The following OSBP2 variants were observed in gnomAD, a reference collection of about 807,000 sequenced individuals.
OSBP2 encodes the protein oxysterol-binding protein 2.
OSBP2 carries 66 observed loss-of-function variants against 96.0 expected under a neutral mutation model. The observed-to-expected ratio is 0.69, with a 90% CI of 0.56 to 0.84. OSBP2 has a LOEUF of 0.84. Ranked by LOEUF, OSBP2 falls within the 40% of genes least tolerant of loss-of-function variation. The pLI, the probability that OSBP2 is intolerant of heterozygous loss-of-function variation, is 0.00. For synonymous variants in OSBP2, 525 were observed against 520.9 expected (o/e 1.01, Z -0.11); for missense variants, 1,038 against 1,222.7 (o/e 0.85, Z 2.25).
intron 2 of OSBP2, among the ~76,000 whole-genome samples, chr22:30,774,291 G>T (rs2090398526): frequency 1.3e-5 from 2 of 152,210 alleles, no homozygotes; most frequent in Non-Finnish European, 2.9e-5. Context: ...ATGAGTGTGT[G>T]CTGGCGAAAG....
At chr22:30,715,289 C>T (rs141199808) in intron 1 of OSBP2, among the ~76,000 whole-genome samples, 1 of 151,540 alleles carries the variant, frequency 6.6e-6, no homozygotes, top group Admixed American at 6.6e-5. Flanking sequence ...TAGTAGCCAT[C>T]CTAATGGATG....
chr22:30,798,035 A>C (rs757923116), intron 2 of OSBP2, among the ~76,000 whole-genome samples: 14 of 152,336 alleles, frequency 9.2e-5, no homozygotes, highest in Non-Finnish European at 1.8e-4. Context: ...CAGCTGCTCA[A>C]CCATTTTATA....
At chr22:30,847,542 A>C (rs2038894772) in intron 2 of OSBP2, among the ~76,000 whole-genome samples, 1 of 152,188 alleles carries the variant, frequency 6.6e-6, no homozygotes, top group Non-Finnish European at 1.5e-5. Flanking sequence ...AGCTTCCCAA[A>C]GTGCTGAGAT....
chr22:30,821,175 G>A (rs1480271300), intron 2 of OSBP2, among the ~76,000 whole-genome samples: 1 of 152,216 alleles, frequency 6.6e-6, no homozygotes, highest in Non-Finnish European at 1.5e-5. Context: ...AGCGAAGTGG[G>A]AGCCTCAGCA....
At chr22:30,840,054 CT>C (rs1313548284) in intron 2 of OSBP2, among the ~76,000 whole-genome samples, 1,447 of 109,224 alleles carry the variant, frequency 0.013, 43 homozygotes, top group Admixed American at 0.082. Flanking sequence ...TTTCAGCTTT[CT>C]TTTTTTTTTT....
chr22:30,879,698 G>C (rs984799374), intron 3 of OSBP2, among the ~76,000 whole-genome samples: 38 of 152,226 alleles, frequency 2.5e-4, no homozygotes, highest in Admixed American at 2.5e-3. Context: ...GACCAGAATC[G>C]CAGTGCAGCT....
chr22:30,816,978 G>A (rs2091091155), intron 2 of OSBP2, among the ~76,000 whole-genome samples: 1 of 152,162 alleles, frequency 6.6e-6, no homozygotes, highest in African/African-American at 2.4e-5. Flanking sequence ...CAAGTGGTCC[G>A]GCCGCCTCAG....
Position 30,782,298 on chromosome 22 carries a change from C to T in OSBP2, c.853+40929C>T, listed in dbSNP as rs543898661. 3.3e-5 allele frequency among the ~76,000 whole-genome samples: 5 copies of T among 152,284 alleles called. No individual in the cohort carries two copies. In the South Asian group the frequency reaches 6.2e-4, roughly 19 times the overall value. ...TTCTCTTCATGCCCTTTTGTAATTC[C>T]TCCTCAGCCCCTTCCACCTCCTGCA... On this transcript the variant is annotated intron_variant, in intron 2 of 13. Coordinates refer to ENST00000332585, the MANE Select transcript of OSBP2 (RefSeq NM_030758.4).
In OSBP2 at chr22:30,881,559, T is replaced by G; in HGVS notation, c.1108-5867T>G. The G allele has an allele frequency of 1.2e-6, 1 of 807,586 alleles. No individual in the cohort carries two copies. Among genetic ancestry groups the G allele is most frequent in the Non-Finnish European group, 1.7e-6 (1 of 578,100 alleles). 50.0% of individuals were successfully genotyped at this position (807,586 alleles called of 1,614,324 possible). On this transcript the variant is annotated intron_variant, in intron 3 of 13. Coordinates refer to ENST00000332585, the MANE Select transcript of OSBP2 (RefSeq NM_030758.4). The surrounding 1 kb of genome is among the most constrained non-coding windows in gnomAD (Gnocchi z 4.5). ...ACAGCCTCAGAGAAATGAGACCACG[T>G]TCAGGCCTGGGCTGGGTCAGCCAGG...
At chr22:30,741,913 G>A (rs987529002) in intron 2 of OSBP2, among the ~76,000 whole-genome samples, 1 of 149,982 alleles carries the variant, frequency 6.7e-6, no homozygotes, top group East Asian at 2.0e-4. Context: ...TCTGCCTTCC[G>A]TGTTCAAGCA....
Position 30,840,319 on chromosome 22 carries a change from AAAAG to A in OSBP2, c.854-30109_854-30106del, listed in dbSNP as rs1229530215. On this transcript the variant is annotated intron_variant, in intron 2 of 13. Coordinates refer to ENST00000332585, the MANE Select transcript of OSBP2 (RefSeq NM_030758.4). ...AATAAACCTGTTAAAAAAAAAAAGAAAAAGGAAAAAAAAAAAGAAAGCTGAAACT... is the reference window on the plus strand; with the variant it reads ...AATAAACCTGTTAAAAAAAAAAAGAAGAAAAAAAAAAAGAAAGCTGAAACT... 1.7e-4 allele frequency among the ~76,000 whole-genome samples: 26 copies of A among 150,920 alleles called. 4 individuals are homozygous for A. Among genetic ancestry groups the A allele is most frequent in the Admixed American group, 1.5e-3 (23 of 15,236 alleles).
chr22:30,904,863 C>T (rs993200006), intron 12 of OSBP2, among the ~76,000 whole-genome samples: 9 of 152,290 alleles, frequency 5.9e-5, no homozygotes, highest in Non-Finnish European at 7.3e-5. Context: ...GGGCTGGGCA[C>T]AGTAGCTGAT....
At chr22:30,723,831 G>C (rs61537428) in intron 1 of OSBP2, among the ~76,000 whole-genome samples, 1 of 151,974 alleles carries the variant, frequency 6.6e-6, no homozygotes, top group Non-Finnish European at 1.5e-5. Context: ...ATCGTCCCCC[G>C]TTACCAACAT....
chr22:30,845,583 A>G (rs2038851002), intron 2 of OSBP2, among the ~76,000 whole-genome samples: 1 of 151,818 alleles, frequency 6.6e-6, no homozygotes, highest in East Asian at 1.9e-4. Context: ...TTAAAAAAAA[A>G]AAAGTGGGGG....
At chr22:30,878,011 T>A (rs1218886349) in intron 3 of OSBP2, among the ~76,000 whole-genome samples, 1 of 151,636 alleles carries the variant, frequency 6.6e-6, no homozygotes, top group Non-Finnish European at 1.5e-5. Context: ...GCCAGTGAGG[T>A]GGGATGGGGT....
chr22:30,731,848 T>C (rs2089785045), intron 1 of OSBP2, among the ~76,000 whole-genome samples: 1 of 152,190 alleles, frequency 6.6e-6, no homozygotes, highest in African/African-American at 2.4e-5. Flanking sequence ...TGGCCGGTCC[T>C]GGTGTGCTCA....
chr22:30,705,355 G>C, intron 1 of OSBP2, among the ~76,000 whole-genome samples: 1 of 151,898 alleles, frequency 6.6e-6, no homozygotes, highest in Middle Eastern at 3.2e-3. Context: ...GTGCAGTGGC[G>C]CGATCTCAGC....
intron 2 of OSBP2, among the ~76,000 whole-genome samples, chr22:30,784,437 T>A (rs887562851): frequency 2.0e-5 from 3 of 151,794 alleles, no homozygotes; most frequent in African/African-American, 7.3e-5. Context: ...AAAAAAAATT[T>A]TTTTAAAGAC....
chr22:30,873,600 C>T (rs1462363198), intron 3 of OSBP2, among the ~76,000 whole-genome samples: 2 of 152,208 alleles, frequency 1.3e-5, no homozygotes, highest in Non-Finnish European at 2.9e-5. Flanking sequence ...CCATCCCACT[C>T]CCCAGCCCCA....
Sources: gnomAD v4.1 joint callset for allele counts (sites outside exome capture counted in the v4.1 genomes callset) on GRCh38, gnomAD v4.1.1 for gene constraint, Gnocchi (gnomAD v3.1) non-coding constraint, MANE v1.5 for transcripts, NCBI Gene and HGNC (gene_info 2026-07-23, HGNC 2026-07-21) for gene names.